Variants in SSH2 observed in about 807,000 individuals in gnomAD.
SSH2 encodes the protein protein phosphatase Slingshot homolog 2.
In SSH2, 37 loss-of-function variants were observed where a neutral mutation model predicts 135.2. That is an observed-to-expected ratio of 0.27 (90% CI 0.21 to 0.36). The LOEUF is 0.36. SSH2 is among the 10% of genes least tolerant of loss of function. SSH2 has a pLI of 1.00. For missense variants in SSH2, 1,408 were observed against 1,765.3 expected (o/e 0.80, Z 3.63); for synonymous variants, 628 against 646.2 (o/e 0.97, Z 0.43).
intron 4 of SSH2, among the ~76,000 whole-genome samples, chr17:29,697,954 T>C (rs774578794): frequency 5.3e-5 from 8 of 152,172 alleles, no homozygotes; most frequent in Non-Finnish European, 1.0e-4. Context: ...GTCTATCAAA[T>C]GATGAATGGA....
At position 29,733,914 on chromosome 17, in the gene SSH2, T is replaced by TC. The variant is rs1235278650; in HGVS notation, c.189-30853_189-30852insG. ...TACAGGGTGTTTAATTTCTTTCTTT[T>TC]TTTTTTTTTTTTTTGAGATGGAGTC... On this transcript the variant is annotated intron_variant, in intron 3 of 15. Transcript: ENST00000540801. 3.3e-3 allele frequency among the ~76,000 whole-genome samples: 491 copies of TC among 148,718 alleles called. 1 individual carries two copies. Among genetic ancestry groups the TC allele is most frequent in the African/African-American group, 0.012 (477 of 40,662 alleles).
chr17:29,860,618 G>T (rs143942647), intron 1 of SSH2, among the ~76,000 whole-genome samples: 1 of 151,854 alleles, frequency 6.6e-6, no homozygotes, highest in Non-Finnish European at 1.5e-5. Context: ...TTTTAGTATG[G>T]ACAAGGTTTC....
chr17:29,840,496 A>C (rs1002553345), intron 2 of SSH2, among the ~76,000 whole-genome samples: 4 of 152,220 alleles, frequency 2.6e-5, no homozygotes, highest in Non-Finnish European at 5.9e-5. Flanking sequence ...GTCTAAGAGA[A>C]TATTTTTGGC....
intron 1 of SSH2, chr17:29,855,838 T>G (rs1165470005): frequency 5.8e-6 from 1 of 172,278 alleles, no homozygotes; most frequent in African/African-American, 2.4e-5. Context: ...ACAGTTATTT[T>G]GAAGAGCCCC....
chr17:29,670,113 C>T (rs888484825), intron 9 of SSH2, among the ~76,000 whole-genome samples: 11 of 152,066 alleles, frequency 7.2e-5, no homozygotes, highest in African/African-American at 1.9e-4. Flanking sequence ...AACTCCTGAC[C>T]TCAGGTGATC....
At chr17:29,746,894 T>A (rs564973610) in intron 3 of SSH2, among the ~76,000 whole-genome samples, 5 of 152,248 alleles carry the variant, frequency 3.3e-5, no homozygotes, top group Middle Eastern at 3.2e-3. Flanking sequence ...TGATGAAGTA[T>A]GCTTAAAGTG....
chr17:29,699,307 T>TA (rs994824500), intron 4 of SSH2, among the ~76,000 whole-genome samples: 1 of 152,164 alleles, frequency 6.6e-6, no homozygotes, highest in African/African-American at 2.4e-5. Flanking sequence ...GCAGCCCAGT[T>TA]AAAAAATTCT....
chr17:29,753,295 TA>T lies in SSH2; in HGVS notation c.188+40598del, dbSNP rs1254885767. 5.3e-5 allele frequency among the ~76,000 whole-genome samples: 8 copies of T among 151,944 alleles called. No individual in the cohort carries two copies. In the East Asian group the frequency reaches 1.6e-3, roughly 30 times the overall value. ...ACAGGCACCCACCATCATGCCCAGC[TA>T]ATTTTTGTATTTTTGTAGAGATGGG... On this transcript the variant is annotated intron_variant, in intron 3 of 15. Coordinates refer to ENST00000540801, the MANE Select transcript of SSH2 (RefSeq NM_001282129.2).
chr17:29,767,504 C>G (rs149329725), intron 3 of SSH2, among the ~76,000 whole-genome samples: 2,245 of 151,392 alleles, frequency 0.015, 32 homozygotes, highest in Non-Finnish European at 0.022. Context: ...ATGAAAGTCA[C>G]CATTCTCATT....
intron 11 of SSH2, among the ~76,000 whole-genome samples, 184 bp downstream of exon 11, chr17:29,666,683 A>G (rs2037292813): frequency 6.6e-6 from 1 of 152,250 alleles, no homozygotes; most frequent in Admixed American, 6.5e-5. Context: ...ACTGTCACAC[A>G]CACGCACACA....
intron 14 of SSH2, among the ~76,000 whole-genome samples, chr17:29,638,545 CACACACACACACACACAG>C (rs2036014322): frequency 6.6e-6 from 1 of 151,016 alleles, no homozygotes; most frequent in African/African-American, 2.4e-5. Context: ...CACACACACA[CACACACACACACACACAG>C]AGACAGGGTA....
chr17:29,780,166 T>C (rs1447566696), intron 3 of SSH2, among the ~76,000 whole-genome samples: 1 of 149,882 alleles, frequency 6.7e-6, no homozygotes, highest in Non-Finnish European at 1.5e-5. Context: ...GCAGTGAGCC[T>C]AGATTGTGCC....
intron 3 of SSH2, among the ~76,000 whole-genome samples, chr17:29,760,915 T>C (rs2041270881): frequency 6.6e-6 from 1 of 151,892 alleles, no homozygotes; most frequent in South Asian, 2.1e-4. Flanking sequence ...AAACGGAAAT[T>C]CTCCCAAAGG....
At chr17:29,924,480 T>C (rs2067030192) in intron 1 of SSH2, among the ~76,000 whole-genome samples, 1 of 152,190 alleles carries the variant, frequency 6.6e-6, no homozygotes, top group Admixed American at 6.5e-5. Context: ...TAAATCAAGA[T>C]TTAAAACAAG....
intron 1 of SSH2, 44 bp downstream of exon 1, chr17:29,929,894 C>T: frequency 6.5e-7 from 1 of 1,535,354 alleles, no homozygotes; most frequent in Non-Finnish European, 8.8e-7. Context: ...AAAGCGGAGC[C>T]GCAGTGACAG....
intron 3 of SSH2, among the ~76,000 whole-genome samples, chr17:29,756,888 C>T (rs1322323421): frequency 6.6e-6 from 1 of 151,970 alleles, no homozygotes; most frequent in Non-Finnish European, 1.5e-5. Flanking sequence ...AACTCCTGAC[C>T]TCGTGATCCA....
At chr17:29,854,406 G>A (rs892842170) in intron 1 of SSH2, among the ~76,000 whole-genome samples, 1 of 151,804 alleles carries the variant, frequency 6.6e-6, no homozygotes, top group African/African-American at 2.4e-5. Flanking sequence ...GGGGAAACAT[G>A]TCCCTTTAGC....
chr17:29,639,831 C>A (rs1410879665), intron 14 of SSH2: 1 of 152,060 alleles, frequency 6.6e-6, no homozygotes, highest in African/African-American at 2.4e-5. Flanking sequence ...TTTAAAGTTT[C>A]TTCTCTTATA....
intron 1 of SSH2, among the ~76,000 whole-genome samples, chr17:29,865,590 G>C (rs1259935934): frequency 6.6e-6 from 1 of 152,150 alleles, no homozygotes; most frequent in Non-Finnish European, 1.5e-5. Flanking sequence ...TCCTTGAAGG[G>C]GAAGAAGACT....
Sources: gnomAD v4.1 joint callset for allele counts (sites outside exome capture counted in the v4.1 genomes callset) on GRCh38, gnomAD v4.1.1 for gene constraint, MANE v1.5 for transcripts, NCBI Gene and HGNC (gene_info 2026-07-23, HGNC 2026-07-21) for gene names.